Variants in FAM149B1 observed in about 807,000 individuals in gnomAD.
The protein encoded by FAM149B1 is primary cilium assembly protein FAM149B1.
In FAM149B1, 56 loss-of-function variants were observed where a neutral mutation model predicts 75.3. The observed-to-expected ratio is 0.74, with a 90% confidence interval of 0.60 to 0.93. The LOEUF (loss-of-function observed/expected upper bound fraction) is 0.93. Among genes scored for constraint, FAM149B1 ranks in the 40% least tolerant of loss-of-function variants. FAM149B1 has a pLI of 0.00. For missense variants in FAM149B1, 639 were observed against 708.4 expected (o/e 0.90, Z 1.11); for synonymous variants, 259 against 256.1 (o/e 1.01, Z -0.11).
At chr10:73,180,137 CA>C (rs898097176) in intron 3 of FAM149B1, among the ~76,000 whole-genome samples, 3 of 152,228 alleles carry the variant, frequency 2.0e-5, no homozygotes, top group Admixed American at 6.5e-5. Flanking sequence ...AGAACATTAT[CA>C]GGGGGATTCA....
At position 73,239,441 on chromosome 10, in the gene FAM149B1, CTT is replaced by C. The variant is rs544434048; in HGVS notation, c.1675+59_1675+60del. 2.4e-3 allele frequency: 3,269 copies of C among 1,342,360 alleles called. 3 individuals carry two copies. Among genetic ancestry groups the C allele is most frequent in the Non-Finnish European group, 3.1e-3 (3,025 of 965,634 alleles). The allele number at this position is 1,342,360 out of a possible 1,614,324, so 83.2% of individuals were successfully genotyped here. ...CTGTGTGGTTGTGTTAAGACCCAGC[CTT>C]TGTCTTTTTTCCTACACCTATTTCC... On this transcript the variant is annotated intron_variant, in intron 13 of 13. Transcript: ENST00000242505.
Position 73,241,013 on chromosome 10 carries a change from A to G in FAM149B1, c.1743A>G (p.Gly581=). The G allele has an allele frequency of 6.5e-7, 1 of 1,531,498 alleles. No homozygotes were observed. Among genetic ancestry groups the G allele is most frequent in the South Asian group, 1.2e-5 (1 of 83,486 alleles). The allele number at this position is 1,531,498 out of a possible 1,614,324, so 94.9% of individuals were successfully genotyped here. Residue 581 remains glycine, a synonymous_variant, in exon 14 of 14, where the codon GGA becomes GGG. Coordinates refer to ENST00000242505, the MANE Select transcript of FAM149B1 (RefSeq NM_173348.2). ...GGRPVSRTRQ[G]P ...GACCAGTCTCTCGAACCAGGCAGGGACCATAAGGCAAATGAGAAGAATCTA... is the reference window on the plus strand; with the variant it reads ...GACCAGTCTCTCGAACCAGGCAGGGGCCATAAGGCAAATGAGAAGAATCTA...
intron 7 of FAM149B1, among the ~76,000 whole-genome samples, chr10:73,212,809 GA>G (rs1261184223): frequency 6.6e-6 from 1 of 151,524 alleles, no homozygotes; most frequent in Non-Finnish European, 1.5e-5. Flanking sequence ...GTCTTCTTTT[GA>G]AAAATGTCTG....
chr10:73,228,653 A>G (rs1488402531), intron 8 of FAM149B1, among the ~76,000 whole-genome samples: 2 of 151,958 alleles, frequency 1.3e-5, no homozygotes, highest in African/African-American at 4.8e-5. Flanking sequence ...GCTGGAGCGC[A>G]GTGGCATGAT....
At chr10:73,199,948 TAA>T (rs1024637358) in intron 5 of FAM149B1, 1 of 179,032 alleles carries the variant, frequency 5.6e-6, no homozygotes, top group African/African-American at 2.4e-5. Context: ...ATACAAACTT[TAA>T]AAAGTCTCTT....
chr10:73,176,608 G>A (rs1179206694), intron 2 of FAM149B1, among the ~76,000 whole-genome samples: 9 of 152,130 alleles, frequency 5.9e-5, no homozygotes, highest in Admixed American at 6.5e-5. Context: ...ATCATAGGCC[G>A]GGCGTGATGG....
At chr10:73,232,083 T>G (rs964712838) in intron 9 of FAM149B1, among the ~76,000 whole-genome samples, 1 of 152,124 alleles carries the variant, frequency 6.6e-6, no homozygotes. Flanking sequence ...GCCTGAAAGG[T>G]TGAGGAACTT....
chr10:73,235,596 C>T, intron 12 of FAM149B1: 1 of 475,332 alleles, frequency 2.1e-6, no homozygotes, highest in South Asian at 2.7e-5. Flanking sequence ...TCCCAGTACA[C>T]ATCAGATAAG....
intron 3 of FAM149B1, 97 bp from the exon 4 acceptor site, chr10:73,192,459 T>C: frequency 2.5e-6 from 3 of 1,223,670 alleles, no homozygotes; most frequent in South Asian, 1.5e-5. Flanking sequence ...AGACTAAATA[T>C]GTAAACAAAA....
At chr10:73,208,111 C>A (rs1474355838) in intron 5 of FAM149B1, among the ~76,000 whole-genome samples, 1 of 152,158 alleles carries the variant, frequency 6.6e-6, no homozygotes, top group Admixed American at 6.5e-5. Context: ...GGGGAGGATC[C>A]CTTATGGCTT....
intron 7 of FAM149B1, among the ~76,000 whole-genome samples, chr10:73,212,227 T>C (rs1026746634): frequency 1.4e-4 from 21 of 152,238 alleles, no homozygotes; most frequent in Non-Finnish European, 2.9e-4. Flanking sequence ...ACACTTAGGC[T>C]GATTCCATAT....
chr10:73,176,918 C>A (rs1300379445), intron 2 of FAM149B1, among the ~76,000 whole-genome samples: 1 of 151,072 alleles, frequency 6.6e-6, no homozygotes, highest in East Asian at 2.0e-4. Flanking sequence ...TCCCAGCTAC[C>A]AAGGAGGCTG....
Position 73,168,742 on chromosome 10 carries a change from A to G in FAM149B1, c.47+356A>G, listed in dbSNP as rs980017673. ...ACACTGTGCAAAGCTATTTACATAC[A>G]TTTGCTCATTCCTATCAATGATATC... On this transcript the variant is annotated intron_variant, in intron 1 of 13. Coordinates refer to ENST00000242505, the MANE Select transcript of FAM149B1 (RefSeq NM_173348.2). 8.4e-5 allele frequency: 20 copies of G among 236,938 alleles called. No homozygotes were observed. The Admixed American group carries it at 1.0e-3, about 12-fold the overall frequency. The allele number at this position is 236,938 out of a possible 1,614,324, so 14.7% of individuals were successfully genotyped here. A position where few individuals can be genotyped will look rare whatever the true frequency, so the allele number is the denominator to read the frequency against.
rs1455962773 is a variant in FAM149B1, at chr10:73,193,522, G to A, written c.471G>A (p.Leu157=). The A allele has an allele frequency of 1.3e-6, 2 of 1,550,148 alleles. No individual in the cohort carries two copies. Among genetic ancestry groups the A allele is most frequent in the Non-Finnish European group, 1.7e-6 (2 of 1,146,482 alleles). The change falls in exon 5 of 14, where the codon TTG becomes TTA. Residue 157 remains leucine, a synonymous_variant. Coordinates refer to ENST00000242505, the MANE Select transcript of FAM149B1 (RefSeq NM_173348.2). ...QIITPSEGYR[L]YPRSPSAVSA... is the part of the protein sequence containing the mutation. ...TCACTCCAAGTGAAGGTTATAGATTGTATCCTAGATCCCCTTCTGCTGTTT... is the reference window on the plus strand; with the variant it reads ...TCACTCCAAGTGAAGGTTATAGATTATATCCTAGATCCCCTTCTGCTGTTT...
At chr10:73,201,994 G>T in intron 5 of FAM149B1, among the ~76,000 whole-genome samples, 1 of 152,008 alleles carries the variant, frequency 6.6e-6, no homozygotes, top group Middle Eastern at 3.4e-3. Context: ...GTGAAACCCC[G>T]TCTCTACTAA....
At chr10:73,199,438 C>T (rs1376984584) in intron 5 of FAM149B1, among the ~76,000 whole-genome samples, 1 of 152,062 alleles carries the variant, frequency 6.6e-6, no homozygotes, top group Non-Finnish European at 1.5e-5. Context: ...AGGATGGTCT[C>T]GATCTCCTGA....
Position 73,168,171 on chromosome 10 carries a change from C to G in FAM149B1, c.-169C>G. On this transcript the variant is annotated 5_prime_UTR_variant, in exon 1 of 14. Transcript: ENST00000242505. ...GGTCGGAGGACTGGAGAGGTGGGGA[C>G]CCTGGGGAGGTGGCTGCTCGGAGTC... is the stretch of plus-strand genomic sequence containing the variant. 8.9e-6 allele frequency: 6 copies of G among 674,914 alleles called. No homozygotes were observed. Among genetic ancestry groups the G allele is most frequent in the Non-Finnish European group, 1.5e-5 (6 of 405,344 alleles). The allele number at this position is 674,914 out of a possible 1,614,324, so 41.8% of individuals were successfully genotyped here.
intron 5 of FAM149B1, among the ~76,000 whole-genome samples, chr10:73,204,944 A>ATTTTTTTTTTT (rs71021549): frequency 2.7e-5 from 1 of 36,606 alleles, no homozygotes; most frequent in Non-Finnish European, 5.2e-5. Flanking sequence ...TGCCTGGCTA[A>ATTTTTTTTTTT]TTTTTTTTTT....
intron 5 of FAM149B1, among the ~76,000 whole-genome samples, chr10:73,199,197 T>TTGTTGTTG (rs2042876840): frequency 8.2e-5 from 12 of 146,454 alleles, no homozygotes; most frequent in Non-Finnish European, 1.5e-4. Flanking sequence ...GTTATCCTTT[T>TTGTTGTTG]TTGTTGTTGT....
Sources: gnomAD v4.1 joint callset for allele counts (sites outside exome capture counted in the v4.1 genomes callset) on GRCh38, gnomAD v4.1.1 for gene constraint, MANE v1.5 for transcripts, NCBI Gene and HGNC (gene_info 2026-07-23, HGNC 2026-07-21) for gene names.